The following PTPRD variants were observed in gnomAD, a reference collection of about 807,000 sequenced individuals.
PTPRD encodes receptor-type tyrosine-protein phosphatase delta.
In PTPRD, 34 loss-of-function variants were observed where a neutral mutation model predicts 214.5. The observed-to-expected ratio is 0.16, with a 90% CI of 0.12 to 0.21. The LOEUF (loss-of-function observed/expected upper bound fraction) is 0.21, where lower values mean the gene tolerates loss of function less well. PTPRD is among the 10% of genes least tolerant of loss of function. The probability of loss-of-function intolerance (pLI) is 1.00; values close to 1 mark genes in which losing one functional copy is unlikely to be tolerated. For synonymous variants in PTPRD, 1,128 were observed against 845.7 expected (o/e 1.33, Z -5.79); for missense variants, 2,545 against 2,398.7 (o/e 1.06, Z -1.27).
intron 3 of PTPRD, among the ~76,000 whole-genome samples, chr9:10,228,159 T>G (rs4143461): frequency 4.2e-5 from 6 of 142,404 alleles, no homozygotes; most frequent in Non-Finnish European, 7.9e-5. Context: ...TCATTTCCAA[T>G]AAAATCTTGG....
At chr9:9,576,154 A>T (rs1430148023) in intron 7 of PTPRD, among the ~76,000 whole-genome samples, 1 of 152,120 alleles carries the variant, frequency 6.6e-6, no homozygotes, top group East Asian at 1.9e-4. Context: ...TTATGCATTA[A>T]ACTGTTTCAA....
intron 3 of PTPRD, among the ~76,000 whole-genome samples, chr9:10,203,828 A>G (rs1396547101): frequency 1.3e-5 from 2 of 152,288 alleles, no homozygotes; most frequent in Non-Finnish European, 1.5e-5. Flanking sequence ...AAAATAAATG[A>G]GTTCATCTTA....
chr9:8,996,329 T>C (rs923216658), intron 11 of PTPRD, among the ~76,000 whole-genome samples: 2 of 151,962 alleles, frequency 1.3e-5, no homozygotes, highest in Non-Finnish European at 2.9e-5. Context: ...AACAACATGG[T>C]AGGATGTCAA....
chr9:9,489,333 T>C (rs2095801372), intron 8 of PTPRD, among the ~76,000 whole-genome samples: 1 of 152,144 alleles, frequency 6.6e-6, no homozygotes. Flanking sequence ...TACTACATTA[T>C]TAGATTCAAT....
chr9:9,717,017 T>G (rs1180493686), intron 7 of PTPRD, among the ~76,000 whole-genome samples: 1 of 152,176 alleles, frequency 6.6e-6, no homozygotes, highest in African/African-American at 2.4e-5. Context: ...CATCTTGAAT[T>G]GATTTTTGTA....
chr9:9,743,344 C>A (rs10977944), intron 6 of PTPRD, among the ~76,000 whole-genome samples: 36,064 of 151,970 alleles, frequency 0.24, 4,996 homozygotes, highest in South Asian at 0.31. Context: ...TAGATGTATT[C>A]ATTTGGATAA....
At chr9:9,992,298 A>G (rs967774192) in intron 4 of PTPRD, among the ~76,000 whole-genome samples, 2 of 152,232 alleles carry the variant, frequency 1.3e-5, no homozygotes, top group African/African-American at 4.8e-5. Context: ...ATAAAAAGTT[A>G]TAATAATAAA....
chr9:10,000,151 T>A (rs554068488), intron 4 of PTPRD, among the ~76,000 whole-genome samples: 1 of 152,314 alleles, frequency 6.6e-6, no homozygotes, highest in Non-Finnish European at 1.5e-5. Flanking sequence ...GGGGGAAATG[T>A]ATGCTCTTCT....
At chr9:10,520,875 CT>C (rs1348823328) in intron 2 of PTPRD, among the ~76,000 whole-genome samples, 1 of 151,572 alleles carries the variant, frequency 6.6e-6, no homozygotes, top group Admixed American at 6.6e-5. Context: ...TGAGACCACC[CT>C]GCTCAGAGAA....
chr9:9,842,414 G>T (rs1381662767), intron 5 of PTPRD, among the ~76,000 whole-genome samples: 1 of 148,662 alleles, frequency 6.7e-6, no homozygotes, highest in Non-Finnish European at 1.5e-5. Flanking sequence ...TGAAAAGTGG[G>T]ATTAAATCCA....
chr9:8,963,767 C>T (rs1173744765), intron 11 of PTPRD, among the ~76,000 whole-genome samples: 2 of 149,052 alleles, frequency 1.3e-5, no homozygotes, highest in Non-Finnish European at 3.0e-5. Flanking sequence ...TACAGGCACA[C>T]ATCACTATAC....
At chr9:9,114,467 C>A (rs2099810272) in intron 10 of PTPRD, among the ~76,000 whole-genome samples, 1 of 152,114 alleles carries the variant, frequency 6.6e-6, no homozygotes, top group South Asian at 2.1e-4. Flanking sequence ...TGGGCACAAT[C>A]TGAAGGTATC....
intron 14 of PTPRD, among the ~76,000 whole-genome samples, chr9:8,557,072 C>T (rs1199515888): frequency 1.8e-4 from 28 of 151,904 alleles, no homozygotes; most frequent in Non-Finnish European, 4.4e-5. Context: ...TAAAGGAGGA[C>T]CAGTGAGAGG....
At chr9:8,875,731 A>G (rs1011196582) in intron 11 of PTPRD, among the ~76,000 whole-genome samples, 2 of 152,154 alleles carry the variant, frequency 1.3e-5, no homozygotes, top group African/African-American at 4.8e-5. Context: ...AATGTATAAT[A>G]TTTCATGATT....
intron 11 of PTPRD, among the ~76,000 whole-genome samples, chr9:8,951,335 T>TTTC (rs2099101160): frequency 6.6e-6 from 1 of 151,328 alleles, no homozygotes; most frequent in African/African-American, 2.4e-5. Flanking sequence ...TTTTTTTTTT[T>TTTC]TTTCAGTCCC....
At chr9:9,356,227 T>C (rs1469208545) in intron 9 of PTPRD, among the ~76,000 whole-genome samples, 1 of 151,350 alleles carries the variant, frequency 6.6e-6, no homozygotes, top group African/African-American at 2.4e-5. Context: ...TTGTGTATGT[T>C]TTTTTAATCT....
At chr9:9,811,436 G>A (rs373226562) in intron 5 of PTPRD, among the ~76,000 whole-genome samples, 98 of 152,104 alleles carry the variant, frequency 6.4e-4, no homozygotes, top group Admixed American at 1.1e-3. Context: ...GGCCAGGCGC[G>A]GTGGCTCAGG....
chr9:9,992,924 A>G (rs9722667), intron 4 of PTPRD, among the ~76,000 whole-genome samples: 107,117 of 151,850 alleles, frequency 0.71, 38,068 homozygotes, highest in Middle Eastern at 0.78. Flanking sequence ...CGTTGTGCAC[A>G]TGTACCCTAG....
At chr9:9,263,031 C>G (rs1235208377) in intron 9 of PTPRD, among the ~76,000 whole-genome samples, 2 of 151,352 alleles carry the variant, frequency 1.3e-5, no homozygotes, top group Non-Finnish European at 3.0e-5. Flanking sequence ...TCATATAATA[C>G]CAAGGGATTA....
Sources: allele counts gnomAD v4.1 joint callset (sites outside exome capture counted in the v4.1 genomes callset), GRCh38; gene constraint gnomAD v4.1.1; transcripts MANE v1.5; gene names NCBI Gene and HGNC (gene_info 2026-07-23, HGNC 2026-07-21).